MS4A6A: variants seen among roughly 807,000 people sequenced by gnomAD.
MS4A6A encodes membrane spanning 4-domains A6A, also known as membrane-spanning 4-domains subfamily A member 6A.
In MS4A6A, 19 loss-of-function variants were observed where a neutral mutation model predicts 20.6. The observed-to-expected ratio is 0.92, with a 90% CI of 0.64 to 1.36. The LOEUF (loss-of-function observed/expected upper bound fraction) is 1.36, where lower values mean the gene tolerates loss of function less well. Ranked by LOEUF, MS4A6A falls within the 40% of genes most tolerant of loss-of-function variation. MS4A6A has a pLI of 0.00. For synonymous variants in MS4A6A, 108 were observed against 105.0 expected, an observed-to-expected ratio of 1.03 and a Z score of -0.17; for missense variants, 272 against 261.1, an observed-to-expected ratio of 1.04 and a Z score of -0.29.
Position 60,178,273 on chromosome 11 carries a change from A to T in MS4A6A, c.326T>A (p.Leu109Ter), listed in dbSNP as rs1565101433. 5 of 1,613,482 alleles carry T rather than the reference A, an allele frequency of 3.1e-6. No homozygotes were observed. The highest frequency in any genetic ancestry group is 4.2e-6 in the Non-Finnish European group (5 of 1,179,486). ...GSLSIATEKR[L>*]TKLLVHSSLV... Reference sequence around the variant, plus strand: ...TCTCTTACTCACCAAAAGCTTGGTTAACCTTTTCTCTGTGGCGATTGATAG... The same window carrying T: ...TCTCTTACTCACCAAAAGCTTGGTTTACCTTTTCTCTGTGGCGATTGATAG... The change falls in exon 4 of 6, where the codon TTA becomes TAA. Residue 109 changes from leucine (L) to a stop codon, truncating the protein, a stop_gained. Coordinates refer to ENST00000528851, the MANE Select transcript of MS4A6A (RefSeq NM_022349.4). LOFTEE classifies it high-confidence loss of function.
chr11:60,183,236 C>A, upstream of MS4A6A: 2 of 1,496,400 alleles, frequency 1.3e-6, no homozygotes, highest in South Asian at 2.4e-5. Context: ...TGTGAGAGTT[C>A]AGGAGTCATG....
intron 3 of MS4A6A, chr11:60,179,393 C>T (rs577341888): frequency 7.3e-6 from 3 of 410,600 alleles, no homozygotes; most frequent in African/African-American, 2.0e-5. Flanking sequence ...TCAAAATGCT[C>T]AGAGGTGTAA....
chr11:60,178,171 C>T (rs1347549160), intron 4 of MS4A6A, 89 bp downstream of exon 4: 1 of 1,271,334 alleles, frequency 7.9e-7, no homozygotes, highest in Non-Finnish European at 1.1e-6. Context: ...GAGTTTTCAA[C>T]TTTTCAAAGT....
At chr11:60,179,527 T>C (rs1857017432) in intron 3 of MS4A6A, 1 of 593,482 alleles carries the variant, frequency 1.7e-6, no homozygotes, top group Non-Finnish European at 3.0e-6. Context: ...TTCCCAACTT[T>C]ATCCTAATTC....
chr11:60,175,256 T>C (rs1856772513), intron 5 of MS4A6A, 146 bp downstream of exon 5: 4 of 622,550 alleles, frequency 6.4e-6, no homozygotes, highest in Middle Eastern at 4.3e-4. Flanking sequence ...CTCATCCCTG[T>C]AGTCCCCTTT....
intron 4 of MS4A6A, among the ~76,000 whole-genome samples, chr11:60,175,836 C>T (rs950355139): frequency 2.6e-5 from 4 of 152,106 alleles, no homozygotes; most frequent in African/African-American, 9.7e-5. Context: ...TTAAGCAGGA[C>T]CTCAGTGGTG....
chr11:60,181,481 T>A (rs1458923177), intron 2 of MS4A6A, 100 bp downstream of exon 2: 27 of 1,476,810 alleles, frequency 1.8e-5, no homozygotes, highest in African/African-American at 2.8e-5. Flanking sequence ...AGCAAAATTT[T>A]AGGGTCTCCA....
chr11:60,180,071 CTAA>C, intron 2 of MS4A6A, 106 bp from the exon 3 acceptor site: 1 of 1,135,324 alleles, frequency 8.8e-7, no homozygotes, highest in Non-Finnish European at 1.3e-6. Flanking sequence ...CTGCAAGATC[CTAA>C]TGAGGATACA....
chr11:60,179,725 G>A (rs1344558415), intron 3 of MS4A6A, 106 bp downstream of exon 3: 2 of 1,321,698 alleles, frequency 1.5e-6, no homozygotes, highest in Non-Finnish European at 2.2e-6. Context: ...TTGACTCCTT[G>A]CTCCTGGCAG....
Position 60,181,695 on chromosome 11 carries a change from G to T in MS4A6A, c.33C>A (p.Ile11=). Residue 11 remains isoleucine, a synonymous_variant, in exon 2 of 6, where the codon ATC becomes ATA. Transcript: ENST00000528851. MTSQPVPNET[I]IVLPSNVINF... Reference sequence around the variant, plus strand: ...TGATGACATTTGATGGGAGCACTATGATGGTCTCATTGGGAACAGGTTGTG... The same window carrying T: ...TGATGACATTTGATGGGAGCACTATTATGGTCTCATTGGGAACAGGTTGTG... The T allele has an allele frequency of 1.2e-6, 2 of 1,614,116 alleles. No homozygotes were observed. The highest frequency in any genetic ancestry group is 1.7e-6 in the Non-Finnish European group (2 of 1,179,956).
At chr11:60,182,403 G>C (rs1200634758) in intron 1 of MS4A6A, 2 of 152,272 alleles carry the variant, frequency 1.3e-5, no homozygotes, top group African/African-American at 4.8e-5. Context: ...ACACAGCCGG[G>C]AAGCTGTAAA....
chr11:60,176,075 A>G (rs1485658574), intron 4 of MS4A6A, among the ~76,000 whole-genome samples: 1 of 152,220 alleles, frequency 6.6e-6, no homozygotes, highest in African/African-American at 2.4e-5. Context: ...GGTTTTTGCC[A>G]TAAAACCACA....
At chr11:60,177,681 A>G (rs1383119533) in intron 4 of MS4A6A, among the ~76,000 whole-genome samples, 1 of 152,312 alleles carries the variant, frequency 6.6e-6, no homozygotes, top group Middle Eastern at 3.4e-3. Context: ...AGATAGATGA[A>G]AGGATACAGT....
Position 60,172,864 on chromosome 11 carries a change from C to T in MS4A6A, c.*137G>A. The stretch of plus-strand genomic sequence containing the variant: ...TTTCAGCTTATCAGCTACTCAATTG[C>T]CATCTGCTTTTCTTCTCTGTCTTCC... On this transcript the variant is annotated 3_prime_UTR_variant, in exon 6 of 6. Transcript: ENST00000528851. 2 of 1,483,656 alleles carry T rather than the reference C, an allele frequency of 1.3e-6. No homozygotes were observed. The allele number at this position is 1,483,656 out of a possible 1,614,324, so 91.9% of individuals were successfully genotyped here. A position where few individuals can be genotyped will look rare whatever the true frequency, so the allele number is the denominator to read the frequency against.
rs191121860 is a variant in MS4A6A at position 60,173,134 on chromosome 11, A to G, written c.550-5T>C. The G allele has an allele frequency of 2.0e-4, 328 of 1,612,780 alleles. 2 individuals carry two copies. The African/African-American group carries it at 4.0e-3, about 20-fold the overall frequency. Reference sequence around the variant, plus strand: ...CAGCATCAGAGAGAGAGTTCCCTGAAAGTCAAGAAATAAAAGATTGATGTT... The same window carrying G: ...CAGCATCAGAGAGAGAGTTCCCTGAGAGTCAAGAAATAAAAGATTGATGTT... On this transcript the variant is annotated splice_polypyrimidine_tract_variant and splice_region_variant and intron_variant, in intron 5 of 5. Transcript: ENST00000528851.
intron 4 of MS4A6A, chr11:60,177,133 A>G (rs1185539297): frequency 1.3e-5 from 2 of 152,182 alleles, no homozygotes; most frequent in African/African-American, 2.4e-5. Context: ...TCATCATAGA[A>G]AGTTACATTT....
At position 60,172,619 on chromosome 11, in the gene MS4A6A, C is replaced by T. The variant is rs1236991753; in HGVS notation, c.*382G>A. 1 of 1,128,150 alleles carries T rather than the reference C, an allele frequency of 8.9e-7. No individual in the cohort carries two copies. Among genetic ancestry groups the T allele is most frequent in the East Asian group, 5.7e-5 (1 of 17,698 alleles). The allele number at this position is 1,128,150 out of a possible 1,614,324, so 69.9% of individuals were successfully genotyped here. A position where few individuals can be genotyped will look rare whatever the true frequency, so the allele number is the denominator to read the frequency against. On this transcript the variant is annotated 3_prime_UTR_variant, in exon 6 of 6. Transcript: ENST00000528851. ...CAGTTACGTGTGTAAATGCCCTTTA[C>T]CAAGTCAATACTATTAAAGAGACTA... is the stretch of plus-strand genomic sequence containing the variant.
rs1481627179 is a variant in MS4A6A at position 60,181,701 on chromosome 11, C to G, written c.27G>C (p.Glu9Asp). Reference protein sequence around the residue: MTSQPVPNETIIVLPSNVI... With the variant: MTSQPVPNDTIIVLPSNVI... ...CATTTGATGGGAGCACTATGATGGTCTCATTGGGAACAGGTTGTGATGTCA... is the reference window on the plus strand; with the variant it reads ...CATTTGATGGGAGCACTATGATGGTGTCATTGGGAACAGGTTGTGATGTCA... Residue 9 changes from glutamate (E) to aspartate (D), a missense_variant, in exon 2 of 6, where the codon GAG (glutamate) becomes GAC (aspartate). Physicochemically the swap from Glu to Asp is conservative, Grantham distance 45. Transcript: ENST00000528851. The G allele has an allele frequency of 3.1e-6, 5 of 1,613,940 alleles. No homozygotes were observed. The African/African-American group carries it at 4.0e-5, about 13-fold the overall frequency.
At chr11:60,175,952 G>A (rs1856815906) in intron 4 of MS4A6A, among the ~76,000 whole-genome samples, 1 of 152,174 alleles carries the variant, frequency 6.6e-6, no homozygotes, top group Non-Finnish European at 1.5e-5. Context: ...CAAAGTGAAG[G>A]TGGCAACGTA....
Sources: gnomAD v4.1 joint callset for allele counts (sites outside exome capture counted in the v4.1 genomes callset) on GRCh38, gnomAD v4.1.1 for gene constraint, MANE v1.5 for transcripts, NCBI Gene and HGNC (gene_info 2026-07-23, HGNC 2026-07-21) for gene names.